Variants in CDV3 observed in about 807,000 individuals in gnomAD.
The protein encoded by CDV3 is protein CDV3 homolog.
A neutral mutation model predicts 24.5 loss-of-function variants in CDV3; 14 were observed. That is an observed-to-expected ratio of 0.57 (90% CI 0.38 to 0.89). The LOEUF is 0.89. Ranked by LOEUF, CDV3 falls within the 40% of genes least tolerant of loss-of-function variation. The pLI, the probability that CDV3 is intolerant of heterozygous loss-of-function variation, is 0.00. For missense variants in CDV3, 304 were observed against 310.2 expected, an observed-to-expected ratio of 0.98 and a Z score of 0.15; for synonymous variants, 114 against 114.1, an observed-to-expected ratio of 1.00 and a Z score of 0.00.
In CDV3 at chr3:133,588,329, A is replaced by G; in HGVS notation, c.*283A>G. 1 of 1,536,536 alleles carries G rather than the reference A, an allele frequency of 6.5e-7. No individual in the cohort carries two copies. The highest frequency in any genetic ancestry group is 8.7e-7 in the Non-Finnish European group (1 of 1,146,882). ...AAACCAAAACCTGCAGCCAGTGGTC[A>G]TTTCAAAATCTTTTTATGTTCAGAT... is the stretch of plus-strand genomic sequence containing the variant. On this transcript the variant is annotated 3_prime_UTR_variant, in exon 5 of 5. Coordinates refer to ENST00000264993, the MANE Select transcript of CDV3 (RefSeq NM_017548.5).
rs777525547 is a variant in CDV3, at chr3:133,575,092, C to T, written c.294C>T (p.Leu98=). The T allele has an allele frequency of 6.3e-7, 1 of 1,594,306 alleles. No homozygotes were observed. Among genetic ancestry groups the T allele is most frequent in the South Asian group, 1.1e-5 (1 of 90,666 alleles). ...LEQKEVDYSG[L]RVQAMQISSE... The stretch of plus-strand genomic sequence containing the variant: ...AAAAAGAGGTTGATTACAGCGGCCT[C>T]AGGGTTCAGGCAATGCAAATAAGGT... Residue 98 remains leucine, a synonymous_variant, in exon 2 of 5, where the codon CTC becomes CTT. Coordinates refer to ENST00000264993, the MANE Select transcript of CDV3 (RefSeq NM_017548.5).
rs1933932142 is a variant in CDV3 at position 133,589,686 on chromosome 3, CG to C, written c.*1641del. The C allele has an allele frequency of 6.6e-6, 1 of 152,546 alleles. No homozygotes were observed. The highest frequency in any genetic ancestry group is 1.5e-5 in the Non-Finnish European group (1 of 68,042). 9.4% of individuals were successfully genotyped at this position (152,546 alleles called of 1,614,324 possible). On this transcript the variant is annotated 3_prime_UTR_variant, in exon 5 of 5. Coordinates refer to ENST00000264993, the MANE Select transcript of CDV3 (RefSeq NM_017548.5). ...TTTTCAGATAGGAGTTTAGTCTTGA[CG>C]AAAGTGTCCGTGCAGGAATTGGACT...
Position 133,588,611 on chromosome 3 carries a change from G to A in CDV3, c.*565G>A, listed in dbSNP as rs981490488. The A allele has an allele frequency of 2.5e-5, 14 of 568,038 alleles. No individual in the cohort carries two copies. Among genetic ancestry groups the A allele is most frequent in the Non-Finnish European group, 3.8e-5 (12 of 318,598 alleles). The allele number at this position is 568,038 out of a possible 1,614,324, so 35.2% of individuals were successfully genotyped here. A position where few individuals can be genotyped will look rare whatever the true frequency, so the allele number is the denominator to read the frequency against. Reference sequence around the variant, plus strand: ...CTACCCTTAAGGAATACTCTCTGTAGTAGGCTGTTGTTATATTAGACTTCC... The same window carrying A: ...CTACCCTTAAGGAATACTCTCTGTAATAGGCTGTTGTTATATTAGACTTCC... On this transcript the variant is annotated 3_prime_UTR_variant, in exon 5 of 5. Transcript: ENST00000264993.
At chr3:133,584,738 A>G (rs529904269) in intron 3 of CDV3, among the ~76,000 whole-genome samples, 1 of 152,290 alleles carries the variant, frequency 6.6e-6, no homozygotes, top group Non-Finnish European at 1.5e-5. Flanking sequence ...AGCAGGGCCA[A>G]TTTTATCATT....
chr3:133,586,852 G>A (rs927868127), intron 4 of CDV3, 130 bp downstream of exon 4: 9 of 630,794 alleles, frequency 1.4e-5, no homozygotes, highest in Admixed American at 5.8e-5. Context: ...AGCTTCAGCT[G>A]ACAGGCAGGT....
At position 133,588,514 on chromosome 3, in the gene CDV3, G is replaced by A; in HGVS notation, c.*468G>A. 1.2e-6 allele frequency: 1 copy of A among 812,606 alleles called. No homozygotes were observed. Among genetic ancestry groups the A allele is most frequent in the Non-Finnish European group, 1.9e-6 (1 of 513,814 alleles). 50.3% of individuals were successfully genotyped at this position (812,606 alleles called of 1,614,324 possible). A position where few individuals can be genotyped will look rare whatever the true frequency, so the allele number is the denominator to read the frequency against. ...TCTTATCAGAAATCCTGCATAAAAA[G>A]TCAGCCATCTGGGTTCTGATCTGCT... On this transcript the variant is annotated 3_prime_UTR_variant, in exon 5 of 5. Transcript: ENST00000264993.
At position 133,590,010 on chromosome 3, in the gene CDV3, A is replaced by G. The variant is rs1318619183; in HGVS notation, c.*1964A>G. The G allele has an allele frequency of 5.9e-5, 9 of 152,242 alleles. No homozygotes were observed. The highest frequency in any genetic ancestry group is 2.2e-4 in the African/African-American group (9 of 41,474). The allele number at this position is 152,242 out of a possible 1,614,324, so 9.4% of individuals were successfully genotyped here. On this transcript the variant is annotated 3_prime_UTR_variant, in exon 5 of 5. Coordinates refer to ENST00000264993, the MANE Select transcript of CDV3 (RefSeq NM_017548.5). ...GTTACTGAAGAATGAACAGATGAGT[A>G]AGTGGAGGTGTTATGTAAAGGCATA...
In CDV3 at chr3:133,574,117, A is replaced by G. The variant is rs1249823987; in HGVS notation, c.73A>G (p.Ser25Gly). 1.7e-6 allele frequency: 2 copies of G among 1,208,636 alleles called. No homozygotes were observed. The highest frequency in any genetic ancestry group is 1.6e-5 in the South Asian group (1 of 63,404). 74.9% of individuals were successfully genotyped at this position (1,208,636 alleles called of 1,614,324 possible). A position where few individuals can be genotyped will look rare whatever the true frequency, so the allele number is the denominator to read the frequency against. Residue 25 changes from serine (S) to glycine (G), a missense_variant, in exon 1 of 5, where the codon AGC (serine) becomes GGC (glycine). Physicochemically the swap from Ser to Gly is moderately conservative, Grantham distance 56 (BLOSUM62 0). Transcript: ENST00000264993. ...KRDKKKKKER[S>G]NRAASAAGAA... ...GGACAAGAAGAAGAAGAAGGAGCGG[A>G]GCAACCGGGCGGCGAGTGCCGCGGG...
At chr3:133,575,290 T>A (rs1453569055) in intron 2 of CDV3, among the ~76,000 whole-genome samples, 175 bp downstream of exon 2, 2 of 152,234 alleles carry the variant, frequency 1.3e-5, no homozygotes, top group African/African-American at 4.8e-5. Context: ...AGCCCTTCCG[T>A]GTGCTCATGA....
chr3:133,578,756 G>T (rs1359873618), intron 2 of CDV3, among the ~76,000 whole-genome samples: 1 of 152,168 alleles, frequency 6.6e-6, no homozygotes, highest in Non-Finnish European at 1.5e-5. Flanking sequence ...CTGTGGAGAT[G>T]CCCGGTATTC....
At chr3:133,577,635 C>T (rs376860672) in intron 2 of CDV3, among the ~76,000 whole-genome samples, 4 of 152,242 alleles carry the variant, frequency 2.6e-5, no homozygotes, top group African/African-American at 9.6e-5. Context: ...GCTGGGATCA[C>T]AGGCATGAGC....
chr3:133,585,235 T>A (rs1019262631), intron 3 of CDV3, among the ~76,000 whole-genome samples: 1 of 152,094 alleles, frequency 6.6e-6, no homozygotes, highest in African/African-American at 2.4e-5. Context: ...GATGAGATCT[T>A]AACTATGTTG....
intron 4 of CDV3, 197 bp from the exon 5 acceptor site, chr3:133,587,699 G>C: frequency 7.4e-7 from 1 of 1,359,446 alleles, no homozygotes; most frequent in African/African-American, 1.5e-5. Flanking sequence ...GGACCCTAGA[G>C]CTTCAATACA....
chr3:133,574,036 G>A lies in CDV3; in HGVS notation c.-9G>A. 1 of 1,170,446 alleles carries A rather than the reference G, an allele frequency of 8.5e-7. No individual in the cohort carries two copies. Among genetic ancestry groups the A allele is most frequent in the Non-Finnish European group, 1.1e-6 (1 of 927,814 alleles). 72.5% of individuals were successfully genotyped at this position (1,170,446 alleles called of 1,614,324 possible). On this transcript the variant is annotated 5_prime_UTR_variant, in exon 1 of 5. Transcript: ENST00000264993. ...GGCCCCACCCATCCGGGTCGAGGAG[G>A]CCGAGGCCATGGCTGAGACGGAGGA...
At chr3:133,582,253 T>G (rs1933114724) in intron 2 of CDV3, among the ~76,000 whole-genome samples, 1 of 152,158 alleles carries the variant, frequency 6.6e-6, no homozygotes, top group East Asian at 1.9e-4. Context: ...GCCTCCCAGG[T>G]TCACCTGATT....
chr3:133,574,398 G>A (rs924467429), intron 1 of CDV3, 114 bp downstream of exon 1: 39 of 958,378 alleles, frequency 4.1e-5, no homozygotes, highest in Non-Finnish European at 4.6e-5. Flanking sequence ...CGGGCGGACG[G>A]GCGCGGGCCG....
Position 133,586,678 on chromosome 3 carries a change from G to A in CDV3, c.582G>A (p.Gln194=), listed in dbSNP as rs762722364. The A allele has an allele frequency of 7.5e-6, 12 of 1,599,910 alleles. No individual in the cohort carries two copies. The highest frequency in any genetic ancestry group is 1.3e-5 in the African/African-American group (1 of 74,652). The change falls in exon 4 of 5, where the codon CAG becomes CAA. Residue 194 remains glutamine, a synonymous_variant. Transcript: ENST00000264993. The part of the protein sequence containing the change: ...QGPPEIYSDT[Q]FPSLQSTAKH... ...CACCAGAAATCTACAGTGATACACA[G>A]TTCCCATCCCTGCAGTCAACTGCCA...
At chr3:133,574,486 C>T (rs1179482766) in intron 1 of CDV3, 8 of 986,346 alleles carry the variant, frequency 8.1e-6, no homozygotes, top group South Asian at 4.7e-5. Flanking sequence ...GTGGAGCCGC[C>T]CTTCCCACCC....
chr3:133,579,904 T>C (rs2074952486), intron 2 of CDV3, among the ~76,000 whole-genome samples: 1 of 152,204 alleles, frequency 6.6e-6, no homozygotes, highest in African/African-American at 2.4e-5. Context: ...ATAAAGAGTC[T>C]TGACTAGACA....
Sources: allele counts gnomAD v4.1 joint callset (sites outside exome capture counted in the v4.1 genomes callset), GRCh38; gene constraint gnomAD v4.1.1; transcripts MANE v1.5; gene names NCBI Gene and HGNC (gene_info 2026-07-23, HGNC 2026-07-21).